Variants in CWH43 observed in about 807,000 individuals in gnomAD.
CWH43 encodes the protein PGAP2-interacting protein.
CWH43 carries 91 observed loss-of-function variants against 85.7 expected under a neutral mutation model. The observed-to-expected ratio is 1.06, with a 90% CI of 0.90 to 1.26. CWH43 has a LOEUF of 1.26. Ranked by LOEUF, CWH43 falls within the 50% of genes most tolerant of loss-of-function variation. The probability of loss-of-function intolerance (pLI) is 0.00; values close to 1 mark genes in which losing one functional copy is unlikely to be tolerated. For missense variants in CWH43, 869 were observed against 839.2 expected, an observed-to-expected ratio of 1.04 and a Z score of -0.44; for synonymous variants, 323 against 293.6, an observed-to-expected ratio of 1.10 and a Z score of -1.02.
chr4:49,039,306 G>GATATAT (rs71600797), intron 13 of CWH43, among the ~76,000 whole-genome samples: 103 of 4,600 alleles, frequency 0.022, 21 homozygotes, highest in African/African-American at 0.039. Context: ...TCAGGAGACT[G>GATATAT]ATATATATAT....
chr4:49,045,635 G>C (rs778220811), intron 14 of CWH43, among the ~76,000 whole-genome samples: 1 of 152,138 alleles, frequency 6.6e-6, no homozygotes, highest in Non-Finnish European at 1.5e-5. Context: ...GTGTGTAGTA[G>C]GCTATACCAT....
chr4:48,991,503 TCTTGCG>T lies in CWH43; in HGVS notation c.290_295del (p.Ala97_Leu98del), dbSNP rs903575962. The T allele has an allele frequency of 3.7e-6, 6 of 1,614,022 alleles. No homozygotes were observed. The highest frequency in any genetic ancestry group is 1.3e-5 in the African/African-American group (1 of 74,922). ...CAAATGCCAAACTTCGACTGATGGT[TCTTGCG>T]CTTGGGGTGTCTTCCTCACTGATAG... On this transcript the variant is annotated inframe_deletion, in exon 3 of 16. Coordinates refer to ENST00000226432, the MANE Select transcript of CWH43 (RefSeq NM_025087.3).
chr4:48,988,606 C>A lies in CWH43; in HGVS notation c.173C>A (p.Thr58Asn). The A allele has an allele frequency of 6.2e-7, 1 of 1,613,294 alleles. No homozygotes were observed. Among genetic ancestry groups the A allele is most frequent in the South Asian group, 1.1e-5 (1 of 90,976 alleles). ...CTTTCTCCAATATTCCTAACAATTA[C>A]TCCTTTCTGGAAATTGGTTAACAAG... ...AFLSPIFLTI[T>N]PFWKLVNKKW... Residue 58 changes from threonine to asparagine, a missense_variant, in exon 2 of 16, where the codon ACT (threonine) becomes AAT (asparagine). By Grantham distance (65) the Thr-to-Asn change is moderately conservative (BLOSUM62 0). Around this residue, in one of 3 missense-constraint regions of CWH43, gnomAD observed 140 missense variants for 122.6 expected, o/e 1.14. Transcript: ENST00000226432.
At chr4:49,043,486 C>T (rs1005048259) in intron 13 of CWH43, among the ~76,000 whole-genome samples, 7 of 152,154 alleles carry the variant, frequency 4.6e-5, no homozygotes, top group Admixed American at 2.0e-4. Flanking sequence ...TTTCCACTGT[C>T]GTGATCAAAA....
Position 48,991,948 on chromosome 4 carries a change from T to G in CWH43, c.369T>G (p.Ile123Met), listed in dbSNP as rs1231847851. 2 of 1,612,384 alleles carry G rather than the reference T, an allele frequency of 1.2e-6. No individual in the cohort carries two copies. Among genetic ancestry groups the G allele is most frequent in the Admixed American group, 1.7e-5 (1 of 59,916 alleles). Residue 123 changes from isoleucine (I) to methionine (M), a missense_variant, in exon 4 of 16, where the codon ATT (isoleucine) becomes ATG (methionine). Around this residue, in one of 3 missense-constraint regions of CWH43, gnomAD observed 152 missense variants for 203.6 expected, o/e 0.75. Transcript: ENST00000226432. Reference protein sequence around the residue: ...SGSHLQRYLRIWGFILGQIVL... With the variant: ...SGSHLQRYLRMWGFILGQIVL... Reference sequence around the variant, plus strand: ...TTTGCACTTACAGGTACCTCAGAATTTGGGGATTCATTTTAGGACAGATTG... The same window carrying G: ...TTTGCACTTACAGGTACCTCAGAATGTGGGGATTCATTTTAGGACAGATTG...
chr4:49,025,847 T>A (rs906046716), intron 9 of CWH43, among the ~76,000 whole-genome samples: 9 of 152,128 alleles, frequency 5.9e-5, no homozygotes, highest in African/African-American at 1.9e-4. Context: ...TGTGGCACTT[T>A]CAAGAGCACA....
chr4:49,030,335 A>T (rs771451926), intron 10 of CWH43, among the ~76,000 whole-genome samples: 2 of 152,164 alleles, frequency 1.3e-5, no homozygotes, highest in Non-Finnish European at 2.9e-5. Context: ...GTCTATATGG[A>T]TGTAATACCA....
chr4:49,011,181 T>G (rs111524338), intron 8 of CWH43, among the ~76,000 whole-genome samples: 2 of 152,184 alleles, frequency 1.3e-5, no homozygotes, highest in African/African-American at 4.8e-5. Context: ...GCATATATAT[T>G]TAGGATAGTT....
At chr4:49,012,919 G>A (rs1783411596) in intron 8 of CWH43, among the ~76,000 whole-genome samples, 1 of 152,216 alleles carries the variant, frequency 6.6e-6, no homozygotes, top group African/African-American at 2.4e-5. Flanking sequence ...CTACTGGGAG[G>A]TGTCTCCCAG....
At position 49,061,838 on chromosome 4, in the gene CWH43, A is replaced by C; in HGVS notation, c.2048A>C (p.Asn683Thr). ...TTTGGATCCTACAAAGAAGGACACAATTATGAAAACAACCATCATTTTCAT... is the reference window on the plus strand; with the variant it reads ...TTTGGATCCTACAAAGAAGGACACACTTATGAAAACAACCATCATTTTCAT... ...PRFGSYKEGHNYENNHHFHMN... is the reference protein window; with the variant it reads ...PRFGSYKEGHTYENNHHFHMN... Residue 683 changes from asparagine (N) to threonine (T), a missense_variant, in exon 16 of 16, where the codon AAT becomes ACT. Around this residue, in one of 3 missense-constraint regions of CWH43, gnomAD observed 577 missense variants for 513.1 expected, o/e 1.12. Coordinates refer to ENST00000226432, the MANE Select transcript of CWH43 (RefSeq NM_025087.3). 1 of 1,396,594 alleles carries C rather than the reference A, an allele frequency of 7.2e-7. No homozygotes were observed. Among genetic ancestry groups the C allele is most frequent in the Non-Finnish European group, 9.5e-7 (1 of 1,050,628 alleles). 86.5% of individuals were successfully genotyped at this position (1,396,594 alleles called of 1,614,324 possible). A position where few individuals can be genotyped will look rare whatever the true frequency, so the allele number is the denominator to read the frequency against.
rs759631753 is a variant in CWH43 at position 48,998,533 on chromosome 4, A to G, written c.787A>G (p.Ile263Val). Residue 263 changes from isoleucine (I) to valine (V), a missense_variant, in exon 6 of 16, where the codon ATC (isoleucine) becomes GTC (valine). Around this residue, in one of 3 missense-constraint regions of CWH43, gnomAD observed 152 missense variants for 203.6 expected, o/e 0.75. Transcript: ENST00000226432. ...SCLWFRGTGL[I>V]WWVTGTASAA... The stretch of plus-strand genomic sequence containing the variant: ...TTTGTGGTTTCGTGGTACTGGTTTG[A>G]TCTGGTGGGTTACAGGTATGTGGAA... 1.2e-6 allele frequency: 2 copies of G among 1,613,452 alleles called. No homozygotes were observed. The highest frequency in any genetic ancestry group is 3.3e-5 in the Admixed American group (2 of 59,974).
chr4:49,016,288 G>A (rs1347410338), intron 8 of CWH43, among the ~76,000 whole-genome samples: 1 of 152,016 alleles, frequency 6.6e-6, no homozygotes, highest in Non-Finnish European at 1.5e-5. Context: ...CTAGTGCCAT[G>A]TGTTTATTCC....
chr4:49,050,871 T>C (rs1380940024), intron 15 of CWH43, 22 bp downstream of exon 15: 46 of 1,582,132 alleles, frequency 2.9e-5, no homozygotes, highest in Non-Finnish European at 3.8e-5. Flanking sequence ...TATGCTGTAG[T>C]TCCAGTTATG....
chr4:49,040,869 G>T (rs1784437243), intron 13 of CWH43, among the ~76,000 whole-genome samples: 1 of 152,060 alleles, frequency 6.6e-6, no homozygotes, highest in African/African-American at 2.4e-5. Context: ...GGGTTTTTAT[G>T]GTTTTAGGTC....
intron 9 of CWH43, among the ~76,000 whole-genome samples, chr4:49,024,845 T>C (rs1783858382): frequency 6.6e-6 from 1 of 152,158 alleles, no homozygotes; most frequent in Admixed American, 6.5e-5. Flanking sequence ...GTGATCTTTT[T>C]GCAATGTATT....
intron 9 of CWH43, among the ~76,000 whole-genome samples, chr4:49,020,654 T>C (rs942809258): frequency 2.0e-5 from 3 of 152,224 alleles, no homozygotes; most frequent in Non-Finnish European, 2.9e-5. Flanking sequence ...ACAGTGGTTG[T>C]ACTAGTTTAC....
intron 9 of CWH43, among the ~76,000 whole-genome samples, chr4:49,018,023 TA>T (rs1783616449): frequency 6.6e-6 from 1 of 151,620 alleles, no homozygotes; most frequent in Non-Finnish European, 1.5e-5. Context: ...TGTATTTTAG[TA>T]GAGACGGGTT....
At chr4:49,023,043 G>T (rs564697250) in intron 9 of CWH43, among the ~76,000 whole-genome samples, 3 of 151,924 alleles carry the variant, frequency 2.0e-5, no homozygotes, top group Non-Finnish European at 2.9e-5. Context: ...ATTTAATTCT[G>T]CTCTGATTTT....
chr4:49,019,034 C>A (rs1489295624), intron 9 of CWH43, among the ~76,000 whole-genome samples: 3 of 152,146 alleles, frequency 2.0e-5, no homozygotes, highest in African/African-American at 7.2e-5. Context: ...GATTTAATAC[C>A]TGTTCTTTTG....
Sources: allele counts gnomAD v4.1 joint callset (sites outside exome capture counted in the v4.1 genomes callset), GRCh38; gene constraint gnomAD v4.1.1; regional missense constraint gnomAD v4.1.1; transcripts MANE v1.5; gene names NCBI Gene and HGNC (gene_info 2026-07-23, HGNC 2026-07-21).